SNX8: variants seen among roughly 807,000 people sequenced by gnomAD.
SNX8 encodes the protein sorting nexin 8.
A neutral mutation model predicts 51.6 loss-of-function variants in SNX8; 25 were observed. The ratio of observed to expected loss-of-function variants is 0.48; its 90% CI spans 0.35 to 0.68. SNX8 has a LOEUF of 0.68. SNX8 is among the 30% of genes least tolerant of loss of function. The probability of loss-of-function intolerance (pLI) is 0.00; values close to 1 mark genes in which losing one functional copy is unlikely to be tolerated. For missense variants in SNX8, 695 were observed against 624.0 expected (o/e 1.11, Z -1.21); for synonymous variants, 324 against 277.0 (o/e 1.17, Z -1.68).
chr7:2,269,612 C>A lies in SNX8; in HGVS notation c.568G>T (p.Ala190Ser), dbSNP rs1316089056. The change falls in exon 5 of 11, where the codon GCA (alanine) becomes TCA (serine). Residue 190 changes from alanine (A) to serine (S), a missense_variant. Coordinates refer to ENST00000222990, the MANE Select transcript of SNX8 (RefSeq NM_013321.4). ...SDVQNKLKES[A>S]QCVGDEFLNC... ...AGGAATTCGTCCCCGACGCACTGTG[C>A]TGACTCCTTTAACTTGTTCTGCACA... 2 of 1,601,896 alleles carry A rather than the reference C, an allele frequency of 1.2e-6. No homozygotes were observed. The highest frequency in any genetic ancestry group is 4.5e-5 in the East Asian group (2 of 44,178).
chr7:2,332,493 G>A (rs75203727), intron 1 of SNX8, among the ~76,000 whole-genome samples: 5,109 of 152,096 alleles, frequency 0.034, 193 homozygotes, highest in African/African-American at 0.081. Flanking sequence ...GGTGGCTGAC[G>A]CCTGTGATCC....
At chr7:2,339,587 A>G (rs1322295101) in intron 1 of SNX8, among the ~76,000 whole-genome samples, 2 of 152,142 alleles carry the variant, frequency 1.3e-5, no homozygotes, top group African/African-American at 4.8e-5. Flanking sequence ...GTGACAATTG[A>G]CCCAAATTGA....
chr7:2,336,078 G>A (rs897165173), intron 1 of SNX8, among the ~76,000 whole-genome samples: 7 of 150,398 alleles, frequency 4.7e-5, no homozygotes, highest in Non-Finnish European at 1.0e-4. Flanking sequence ...ACTCCAGCCT[G>A]GGTGACAGTG....
At chr7:2,272,254 C>T (rs1029264692) in intron 3 of SNX8, among the ~76,000 whole-genome samples, 2 of 152,200 alleles carry the variant, frequency 1.3e-5, no homozygotes, top group Admixed American at 6.5e-5. Flanking sequence ...CTGGGAACCA[C>T]GTGAGTGGTC....
intron 1 of SNX8, among the ~76,000 whole-genome samples, chr7:2,285,868 C>CG (rs150022123): frequency 0.026 from 4,011 of 151,562 alleles, 136 homozygotes; most frequent in African/African-American, 0.075. Context: ...TGTAGATATG[C>CG]GGGGGGGTCT....
At chr7:2,352,223 C>T (rs1245566532) in intron 1 of SNX8, among the ~76,000 whole-genome samples, 2 of 151,990 alleles carry the variant, frequency 1.3e-5, no homozygotes, top group Non-Finnish European at 2.9e-5. Context: ...TAATTTCCTT[C>T]TTCTAATAAG....
intron 3 of SNX8, among the ~76,000 whole-genome samples, chr7:2,274,174 AG>A (rs1402129071): frequency 1.3e-5 from 2 of 152,208 alleles, no homozygotes; most frequent in Non-Finnish European, 2.9e-5. Context: ...CTTCAGCGTG[AG>A]CTGAATGATC....
rs1737570719 is a variant in SNX8 at position 2,275,191 on chromosome 7, G to A, written c.339C>T (p.Phe113=). 3.1e-6 allele frequency: 5 copies of A among 1,613,988 alleles called. No homozygotes were observed. The highest frequency in any genetic ancestry group is 2.2e-5 in the East Asian group (1 of 44,888). The change falls in exon 3 of 11, where the codon TTC becomes TTT. Residue 113 remains phenylalanine, a synonymous_variant. Coordinates refer to ENST00000222990, the MANE Select transcript of SNX8 (RefSeq NM_013321.4). The part of the protein sequence containing the change: ...KSSVYRRYND[F]VVFQEMLLHK... The stretch of plus-strand genomic sequence containing the variant: ...GCAGGAGCATCTCCTGGAAGACCAC[G>A]AAGTCATTGTACCGTCTGTATACCG...
chr7:2,255,951 TCACTGGAC>T (rs529314820), intron 10 of SNX8, among the ~76,000 whole-genome samples: 8 of 152,140 alleles, frequency 5.3e-5, no homozygotes, highest in Admixed American at 3.3e-4. Context: ...GGAGGCTGAG[TCACTGGAC>T]CACAGCGCAC....
intron 4 of SNX8, among the ~76,000 whole-genome samples, chr7:2,270,190 G>A: frequency 6.6e-6 from 1 of 151,982 alleles, no homozygotes; most frequent in Middle Eastern, 3.2e-3. Flanking sequence ...GCAAAGCCGT[G>A]CCTTAAAGTC....
Position 2,275,337 on chromosome 7 carries a change from C to T in SNX8, c.301-108G>A. 4 of 755,946 alleles carry T rather than the reference C, an allele frequency of 5.3e-6. No individual in the cohort carries two copies. In the Middle Eastern group the frequency reaches 9.5e-4, roughly 179 times the overall value. The allele number at this position is 755,946 out of a possible 1,614,324, so 46.8% of individuals were successfully genotyped here. On this transcript the variant is annotated intron_variant, in intron 2 of 10. Transcript: ENST00000222990. Reference sequence around the variant, plus strand: ...CGACAGCACCAAGTGCATCTTCTCTCACCAGGCCTTTACTAAATGGAGAAA... The same window carrying T: ...CGACAGCACCAAGTGCATCTTCTCTTACCAGGCCTTTACTAAATGGAGAAA...
At chr7:2,285,547 G>A (rs1057169102) in intron 1 of SNX8, among the ~76,000 whole-genome samples, 5 of 152,266 alleles carry the variant, frequency 3.3e-5, no homozygotes, top group African/African-American at 7.2e-5. Context: ...AACGCCCCTC[G>A]AACATGGAGA....
intron 1 of SNX8, among the ~76,000 whole-genome samples, chr7:2,348,497 G>C (rs917338506): frequency 3.3e-5 from 5 of 151,472 alleles, no homozygotes; most frequent in African/African-American, 4.8e-5. Context: ...CCCGCCACCA[G>C]GCCCGGCTAA....
chr7:2,275,931 G>C (rs1237841867), intron 2 of SNX8, among the ~76,000 whole-genome samples: 2 of 151,744 alleles, frequency 1.3e-5, no homozygotes, highest in African/African-American at 4.8e-5. Flanking sequence ...CCGGGAGGCA[G>C]AGCTTGCGGT....
At chr7:2,330,015 G>A (rs1452259827) in intron 1 of SNX8, among the ~76,000 whole-genome samples, 1 of 144,992 alleles carries the variant, frequency 6.9e-6, no homozygotes, top group Non-Finnish European at 1.5e-5. Flanking sequence ...ATTTTCAGTA[G>A]AGACTGGATT....
At chr7:2,286,102 C>T (rs1234273701) in intron 1 of SNX8, among the ~76,000 whole-genome samples, 1 of 151,668 alleles carries the variant, frequency 6.6e-6, no homozygotes, top group African/African-American at 2.4e-5. Flanking sequence ...ACCTCCAAGT[C>T]CCAGGTTCAA....
intron 1 of SNX8, among the ~76,000 whole-genome samples, chr7:2,290,124 T>TG (rs1197446260): frequency 6.6e-6 from 1 of 151,398 alleles, no homozygotes; most frequent in Non-Finnish European, 1.5e-5. Context: ...ACCTGGGAGG[T>TG]GGAGGTTGCA....
At chr7:2,339,275 G>A (rs952204157) in intron 1 of SNX8, among the ~76,000 whole-genome samples, 9 of 151,824 alleles carry the variant, frequency 5.9e-5, no homozygotes, top group East Asian at 1.9e-4. Context: ...GCACGATCTC[G>A]GCTCACTGCA....
At chr7:2,335,574 G>C (rs926650334) in intron 1 of SNX8, among the ~76,000 whole-genome samples, 1 of 151,970 alleles carries the variant, frequency 6.6e-6, no homozygotes, top group Non-Finnish European at 1.5e-5. Flanking sequence ...AGGCCGAGGC[G>C]GGCGTATCAC....
Sources: allele counts gnomAD v4.1 joint callset (sites outside exome capture counted in the v4.1 genomes callset), GRCh38; gene constraint gnomAD v4.1.1; transcripts MANE v1.5; gene names NCBI Gene and HGNC (gene_info 2026-07-23, HGNC 2026-07-21).